The following KIR2DL3 variants were observed in gnomAD, a reference collection of about 807,000 sequenced individuals.
KIR2DL3 encodes the protein killer cell immunoglobulin-like receptor 2DL3.
A neutral mutation model predicts 33.8 loss-of-function variants in KIR2DL3; 39 were observed. The ratio of observed to expected loss-of-function variants is 1.15; its 90% CI spans 0.89 to 1.51. The LOEUF (loss-of-function observed/expected upper bound fraction) is 1.51. KIR2DL3 is among the 40% of genes most tolerant of loss of function. The pLI is 0.00. For synonymous variants in KIR2DL3, 174 were observed against 160.2 expected (o/e 1.09, Z -0.65); for missense variants, 462 against 426.2 (o/e 1.08, Z -0.74).
At chr19:54,739,811 G>T (rs10423781) in intron 2 of KIR2DL3, among the ~76,000 whole-genome samples, 2,243 of 152,262 alleles carry the variant, frequency 0.015, 45 homozygotes, top group African/African-American at 0.051. Flanking sequence ...GGACAAAGGT[G>T]TTACTCACAC....
intron 3 of KIR2DL3, among the ~76,000 whole-genome samples, chr19:54,742,979 A>G (rs1365352480): frequency 6.6e-6 from 1 of 152,048 alleles, no homozygotes; most frequent in African/African-American, 2.4e-5. Flanking sequence ...ATAAAGAGAG[A>G]GAAAAGAGGG....
intron 2 of KIR2DL3, among the ~76,000 whole-genome samples, chr19:54,741,062 C>T (rs868330090): frequency 2.8e-4 from 42 of 151,860 alleles, no homozygotes; most frequent in African/African-American, 9.7e-4. Context: ...GGTCCAATTT[C>T]TGTCTCCAGT....
chr19:54,742,986 A>G (rs1450090475), intron 3 of KIR2DL3, among the ~76,000 whole-genome samples: 1 of 152,066 alleles, frequency 6.6e-6, no homozygotes, highest in African/African-American at 2.4e-5. Context: ...GAGAGAAAAG[A>G]GGGCAGAGGA....
At chr19:54,743,703 G>A in intron 3 of KIR2DL3, 92 bp from the exon 4 acceptor site, 1 of 998,746 alleles carries the variant, frequency 1.0e-6, no homozygotes, top group Non-Finnish European at 1.5e-6. Flanking sequence ...GAGAGCATTA[G>A]GTCATAGAGC....
intron 5 of KIR2DL3, among the ~76,000 whole-genome samples, chr19:54,748,989 AC>A (rs1202312440): frequency 6.6e-6 from 1 of 151,506 alleles, no homozygotes; most frequent in East Asian, 1.9e-4. Flanking sequence ...AGAAGGTCTC[AC>A]TATTCAGATA....
At chr19:54,744,884 A>ATATATATATATC (rs2072035463) in intron 4 of KIR2DL3, among the ~76,000 whole-genome samples, 1 of 94,322 alleles carries the variant, frequency 1.1e-5, no homozygotes, top group Non-Finnish European at 2.2e-5. Flanking sequence ...ATATATATAT[A>ATATATATATATC]TATATATATA....
chr19:54,739,197 G>A (rs1403616251), intron 1 of KIR2DL3, among the ~76,000 whole-genome samples: 1 of 151,578 alleles, frequency 6.6e-6, no homozygotes, highest in African/African-American at 2.4e-5. Flanking sequence ...ATCTGGGCCT[G>A]GGGCGGAGAT....
intron 3 of KIR2DL3, 122 bp from the exon 4 acceptor site, chr19:54,743,673 G>A (rs2071626197): frequency 5.4e-6 from 5 of 917,942 alleles, no homozygotes; most frequent in Non-Finnish European, 6.3e-6. Context: ...ATGGGGTGGA[G>A]GGTGAGAGAG....
Position 54,743,921 on chromosome 19 carries a change from C to A in KIR2DL3, c.497C>A (p.Ala166Asp). Residue 166 changes from alanine to aspartate, a missense_variant, in exon 4 of 8, where the codon GCC becomes GAC. Physicochemically the swap from Ala to Asp is moderately radical, Grantham distance 126. Coordinates refer to ENST00000342376, the MANE Select transcript of KIR2DL3 (RefSeq NM_015868.3). ...TACCATCTATCCAGGGAGGGGGAGG[C>A]CCATGAACGTAGGTTCTCTGCAGGG... ...DMYHLSREGE[A>D]HERRFSAGPK... is the part of the protein sequence containing the mutation. 2 of 1,614,112 alleles carry A rather than the reference C, an allele frequency of 1.2e-6. No individual in the cohort carries two copies. The highest frequency in any genetic ancestry group is 1.7e-6 in the Non-Finnish European group (2 of 1,180,010).
chr19:54,752,814 A>G lies in KIR2DL3; in HGVS notation c.*295A>G. ...TGACCCCTGCCCACCTCTCCAACCT[A>G]ACTGGCTTACTTCCTAGTCTACTTG... On this transcript the variant is annotated 3_prime_UTR_variant, in exon 8 of 8. Transcript: ENST00000342376. 6.0e-6 allele frequency: 3 copies of G among 503,478 alleles called. No homozygotes were observed. The highest frequency in any genetic ancestry group is 1.1e-5 in the Non-Finnish European group (3 of 278,342). 31.2% of individuals were successfully genotyped at this position (503,478 alleles called of 1,614,324 possible). A position where few individuals can be genotyped will look rare whatever the true frequency, so the allele number is the denominator to read the frequency against.
Position 54,739,440 on chromosome 19 carries a change from A to G in KIR2DL3, c.35-67A>G, listed in dbSNP as rs2070547105. On this transcript the variant is annotated intron_variant, in intron 1 of 7. Transcript: ENST00000342376. The stretch of plus-strand genomic sequence containing the variant: ...GCCTGGCTGCCAAGACTCACAGCCC[A>G]GTGGGGGCAGCAAGGGAGGCCTGGT... 5 of 1,611,734 alleles carry G rather than the reference A, an allele frequency of 3.1e-6. No individual in the cohort carries two copies. The East Asian group carries it at 1.1e-4, about 36-fold the overall frequency.
chr19:54,752,339 C>T lies in KIR2DL3; in HGVS notation c.874-28C>T. 1.3e-6 allele frequency: 2 copies of T among 1,483,026 alleles called. 1 individual carries two copies. Among genetic ancestry groups the T allele is most frequent in the Non-Finnish European group, 1.8e-6 (2 of 1,086,522 alleles). 91.9% of individuals were successfully genotyped at this position (1,483,026 alleles called of 1,614,324 possible). Reference sequence around the variant, plus strand: ...GAGTCCTGGAAAATGTGAGCACCCTCCCTCACTCAGCATTTCCCTCTCTCC... The same window carrying T: ...GAGTCCTGGAAAATGTGAGCACCCTTCCTCACTCAGCATTTCCCTCTCTCC... On this transcript the variant is annotated intron_variant, in intron 7 of 7. Coordinates refer to ENST00000342376, the MANE Select transcript of KIR2DL3 (RefSeq NM_015868.3).
chr19:54,738,679 T>C, intron 1 of KIR2DL3, 100 bp downstream of exon 1: 43 of 1,582,110 alleles, frequency 2.7e-5, no homozygotes, highest in Non-Finnish European at 3.7e-5. Flanking sequence ...GGCCTAGAGA[T>C]GGAGTGATGG....
At chr19:54,745,079 C>T (rs1243566751) in intron 4 of KIR2DL3, among the ~76,000 whole-genome samples, 5 of 149,208 alleles carry the variant, frequency 3.4e-5, no homozygotes, top group African/African-American at 1.2e-4. Flanking sequence ...AAATGGGAAT[C>T]TTTGTAATGA....
intron 5 of KIR2DL3, 74 bp from the exon 6 acceptor site, chr19:54,751,575 T>C (rs1600469707): frequency 8.2e-7 from 1 of 1,218,994 alleles, no homozygotes; most frequent in Non-Finnish European, 1.2e-6. Flanking sequence ...TACCTGTCAA[T>C]CAAGAAATGT....
chr19:54,750,793 G>A (rs965601256), intron 5 of KIR2DL3, among the ~76,000 whole-genome samples: 2 of 135,504 alleles, frequency 1.5e-5, no homozygotes, highest in South Asian at 5.1e-4. Flanking sequence ...TTCAATGTGA[G>A]CCAGTCCCTC....
At chr19:54,739,638 T>C (rs878967393) in intron 2 of KIR2DL3, 96 bp downstream of exon 2, 1 of 1,565,644 alleles carries the variant, frequency 6.4e-7, no homozygotes, top group South Asian at 1.1e-5. Flanking sequence ...TCTCATAAAC[T>C]AGGAAGAGAG....
In KIR2DL3 at chr19:54,746,670, T is replaced by A. The variant is rs535338523; in HGVS notation, c.665-665T>A. Among the ~76,000 whole-genome samples the A allele has an allele frequency of 2.2e-3, 334 of 150,234 alleles. 1 individual carries two copies. Among genetic ancestry groups the A allele is most frequent in the African/African-American group, 7.7e-3 (316 of 41,084 alleles). On this transcript the variant is annotated intron_variant, in intron 4 of 7. Transcript: ENST00000342376. ...AGACTGTCCTTTCCTGATTGTGAGT[T>A]CTTGGCACCTTTGTCAAAGTCCATT...
At chr19:54,747,420 A>T (rs2072714181) in intron 5 of KIR2DL3, 35 bp downstream of exon 5, 1 of 1,604,196 alleles carries the variant, frequency 6.2e-7, no homozygotes, top group Non-Finnish European at 8.5e-7. Flanking sequence ...CGCTTTTGGA[A>T]ACCTGGGGAG....
Sources: gnomAD v4.1 joint callset for allele counts (sites outside exome capture counted in the v4.1 genomes callset) on GRCh38, gnomAD v4.1.1 for gene constraint, MANE v1.5 for transcripts, NCBI Gene and HGNC (gene_info 2026-07-23, HGNC 2026-07-21) for gene names.